The following NAV1 variants were observed in gnomAD, a reference collection of about 807,000 sequenced individuals.
NAV1 encodes the protein pore membrane and/or filament interacting like protein 3.
Under a neutral mutation model 175.2 loss-of-function variants are expected in NAV1, and 18 were observed. The observed-to-expected ratio is 0.10, with a 90% CI of 0.07 to 0.15. The LOEUF (loss-of-function observed/expected upper bound fraction) is 0.15, where lower values mean the gene tolerates loss of function less well. NAV1 is among the 10% of genes least tolerant of loss of function. The pLI, the probability that NAV1 is intolerant of heterozygous loss-of-function variation, is 1.00. For synonymous variants in NAV1, 897 were observed against 978.7 expected (o/e 0.92, Z 1.56); for missense variants, 1,731 against 2,436.6 (o/e 0.71, Z 6.10).
At chr1:201,610,567 T>C (rs1221415750) in intron 2 of NAV1, among the ~76,000 whole-genome samples, 3 of 151,876 alleles carry the variant, frequency 2.0e-5, no homozygotes, top group Admixed American at 2.0e-4. Context: ...TCTGCAGAGG[T>C]GTGTTTGAGA....
At chr1:201,743,078 C>T (rs753584939) in intron 3 of NAV1, among the ~76,000 whole-genome samples, 7 of 152,172 alleles carry the variant, frequency 4.6e-5, no homozygotes, top group Non-Finnish European at 1.0e-4. Context: ...ATATTATTAT[C>T]ATCCCATTTC....
intron 2 of NAV1, among the ~76,000 whole-genome samples, chr1:201,643,131 TTTCCCTTCCTTCC>T (rs1362856709): frequency 1.3e-5 from 2 of 148,424 alleles, no homozygotes; most frequent in African/African-American, 5.0e-5. Flanking sequence ...TCCTTCCTTC[TTTCCCTTCCTTCC>T]TTCCTCTCTC....
intron 14 of NAV1, 34 bp downstream of exon 18, chr1:201,793,909 T>TGGGGGGGGGGGGGGGGCCCCC: frequency 1.9e-6 from 1 of 516,464 alleles, no homozygotes; most frequent in Non-Finnish European, 3.9e-6. Context: ...GAGGGGTGGG[T>TGGGGGGGGGGGGGGGGCCCCC]GCGGCGAGGG....
intron 1 of NAV1, among the ~76,000 whole-genome samples, chr1:201,710,966 C>G (rs1227352794): frequency 2.0e-5 from 3 of 152,208 alleles, no homozygotes; most frequent in Non-Finnish European, 4.4e-5. Context: ...GGCCAGAAAC[C>G]CACACCTTGG....
At chr1:201,809,397 C>A in intron 21 of NAV1, 45 bp from the exon 26 acceptor site, 1 of 1,602,976 alleles carries the variant, frequency 6.2e-7, no homozygotes, top group South Asian at 1.1e-5. Context: ...TTCATGGAGT[C>A]ATCTGCAGTG....
chr1:201,784,990 G>C (rs544076392), intron 7 of NAV1, among the ~76,000 whole-genome samples: 30 of 152,014 alleles, frequency 2.0e-4, no homozygotes, highest in African/African-American at 7.0e-4. Context: ...GGATGGTCTC[G>C]ATCTCCCGAC....
chr1:201,594,880 G>T (rs1667309607), intron 2 of NAV1, among the ~76,000 whole-genome samples: 1 of 152,246 alleles, frequency 6.6e-6, no homozygotes, highest in Admixed American at 6.5e-5. Flanking sequence ...TAGAGGGTCA[G>T]GCCTGAGAAA....
intron 2 of NAV1, among the ~76,000 whole-genome samples, chr1:201,634,933 A>C (rs2102303322): frequency 6.6e-6 from 1 of 152,360 alleles, no homozygotes; most frequent in South Asian, 2.1e-4. Flanking sequence ...AATCTTGGCA[A>C]GACCCAGCTT....
chr1:201,758,701 A>C (rs1281562552), intron 3 of NAV1, among the ~76,000 whole-genome samples: 1 of 152,244 alleles, frequency 6.6e-6, no homozygotes, highest in Non-Finnish European at 1.5e-5. Context: ...CCGTTTGGAA[A>C]GCTGCCAAAT....
At position 201,780,352 on chromosome 1, in the gene NAV1, A is replaced by G. The variant is rs552965713; in HGVS notation, c.1227-69A>G. On this transcript the variant is annotated intron_variant, in intron 3 of 29. Coordinates refer to ENST00000367296, the Ensembl canonical transcript of NAV1. Reference sequence around the variant, plus strand: ...CTGGTGCAGAGCCATTCTTGCATCAATGTGAAACATTTATTTTTTGCCTGG... The same window carrying G: ...CTGGTGCAGAGCCATTCTTGCATCAGTGTGAAACATTTATTTTTTGCCTGG... The G allele has an allele frequency of 1.0e-4, 164 of 1,588,490 alleles. 3 individuals are homozygous for G. In the South Asian group the frequency reaches 1.6e-3, roughly 16 times the overall value.
At position 201,785,551 on chromosome 1, in the gene NAV1, T is replaced by C. The variant is rs114464170; in HGVS notation, c.2846+200T>C. Among the ~76,000 whole-genome samples, 699 of 152,252 alleles carry C rather than the reference T, an allele frequency of 4.6e-3. 1 individual carries two copies. The highest frequency in any genetic ancestry group is 0.016 in the African/African-American group (672 of 41,538). On this transcript the variant is annotated intron_variant, in intron 8 of 29. Transcript: ENST00000367296. ...TGTGAGTCAACTTTTACAGCAAGTG[T>C]TCTTTTTTTGGTGACAGGGGAGAAA...
intron 3 of NAV1, among the ~76,000 whole-genome samples, chr1:201,754,932 A>G (rs1415007207): frequency 6.6e-6 from 1 of 152,256 alleles, no homozygotes; most frequent in African/African-American, 2.4e-5. Context: ...TTATGCTACA[A>G]TGTTAAAGAA....
In NAV1 at chr1:201,649,307, C is replaced by A. The variant is rs557452027; in HGVS notation, c.639C>A (p.Ser213Arg). Residue 213 changes from serine to arginine, a missense_variant, in exon 1 of 30, where the codon AGC becomes AGA. This residue lies in a region of NAV1 where 487 missense variants were observed against 581.3 expected (regional missense o/e 0.84). Transcript: ENST00000367296. Reference sequence around the variant, plus strand: ...CCAGCAAGGCCAAGGCGCAAAAGAGCTCTGGGCCTGTCCCCTCTGCCAAGG... The same window carrying A: ...CCAGCAAGGCCAAGGCGCAAAAGAGATCTGGGCCTGTCCCCTCTGCCAAGG... The A allele has an allele frequency of 3.7e-6, 6 of 1,612,918 alleles. No homozygotes were observed. The South Asian group carries it at 5.5e-5, about 15-fold the overall frequency.
intron 1 of NAV1, among the ~76,000 whole-genome samples, chr1:201,572,288 T>C (rs1390985933): frequency 6.6e-6 from 1 of 152,094 alleles, no homozygotes; most frequent in Non-Finnish European, 1.5e-5. Context: ...CATAGTTCCC[T>C]GAGAGCAGCA....
chr1:201,824,619 G>A (rs1304770988), exon 30 of NAV1: 3 of 151,732 alleles, frequency 2.0e-5, no homozygotes, highest in Admixed American at 6.6e-5. Context: ...ACACGAAGAC[G>A]GTTGAAAATT....
intron 1 of NAV1, among the ~76,000 whole-genome samples, chr1:201,581,384 G>C (rs1666853512): frequency 6.6e-6 from 1 of 152,180 alleles, no homozygotes; most frequent in African/African-American, 2.4e-5. Context: ...CAGATTTTGA[G>C]AGGGAAAGAA....
chr1:201,719,704 T>C (rs67974334), intron 3 of NAV1: 43,313 of 153,332 alleles, frequency 0.28, 6,345 homozygotes, highest in Admixed American at 0.33. Context: ...ACTGCCACTT[T>C]CACTCTCCCT....
At chr1:201,668,851 C>T (rs907702106) in intron 1 of NAV1, among the ~76,000 whole-genome samples, 1 of 152,172 alleles carries the variant, frequency 6.6e-6, no homozygotes, top group Non-Finnish European at 1.5e-5. Context: ...TCTTCATTAG[C>T]TGCGTTGGGG....
chr1:201,685,236 G>A (rs1247186330), intron 1 of NAV1, among the ~76,000 whole-genome samples: 1 of 152,140 alleles, frequency 6.6e-6, no homozygotes, highest in Non-Finnish European at 1.5e-5. Context: ...GTGAGACTCT[G>A]TCTCAAAAAC....
Sources: allele counts gnomAD v4.1 joint callset (sites outside exome capture counted in the v4.1 genomes callset), GRCh38; gene constraint gnomAD v4.1.1; regional missense constraint gnomAD v4.1.1; transcripts MANE v1.5; gene names NCBI Gene and HGNC (gene_info 2026-07-23, HGNC 2026-07-21).